The following ITGBL1 variants were observed in gnomAD, a reference collection of about 807,000 sequenced individuals.
The protein encoded by ITGBL1 is integrin beta-like protein 1.
ITGBL1 carries 51 observed loss-of-function variants against 68.5 expected under a neutral mutation model. The ratio of observed to expected loss-of-function variants is 0.74; its 90% CI spans 0.59 to 0.94. The LOEUF (loss-of-function observed/expected upper bound fraction) is 0.94. Among genes scored for constraint, ITGBL1 ranks in the 40% least tolerant of loss-of-function variants. The pLI is 0.00. For missense variants in ITGBL1, 649 were observed against 647.4 expected (o/e 1.00, Z -0.03); for synonymous variants, 209 against 227.3 (o/e 0.92, Z 0.72).
chr13:101,609,954 T>C (rs1411545342), intron 7 of ITGBL1, among the ~76,000 whole-genome samples: 35 of 152,278 alleles, frequency 2.3e-4, no homozygotes, highest in Non-Finnish European at 1.2e-4. Context: ...ATGTTGTAAG[T>C]TGAAAACCAG....
intron 7 of ITGBL1, among the ~76,000 whole-genome samples, chr13:101,658,936 G>T (rs994889265): frequency 1.3e-5 from 2 of 151,576 alleles, no homozygotes. Flanking sequence ...TGACACCATG[G>T]TGTACATTTT....
At chr13:101,699,809 C>T (rs950100208) in intron 8 of ITGBL1, among the ~76,000 whole-genome samples, 1 of 152,226 alleles carries the variant, frequency 6.6e-6, no homozygotes, top group African/African-American at 2.4e-5. Flanking sequence ...AGTGGCAACA[C>T]AGTCGTGTTG....
intron 2 of ITGBL1, among the ~76,000 whole-genome samples, chr13:101,518,475 C>T (rs1222656763): frequency 1.3e-5 from 2 of 152,100 alleles, no homozygotes; most frequent in East Asian, 1.9e-4. Flanking sequence ...ATACCTACTC[C>T]AGAGTATTTA....
At chr13:101,635,683 C>A (rs1282795518) in intron 7 of ITGBL1, among the ~76,000 whole-genome samples, 1 of 151,988 alleles carries the variant, frequency 6.6e-6, no homozygotes, top group Admixed American at 6.6e-5. Flanking sequence ...ATGTGCAGCT[C>A]TTTGTGTATT....
At chr13:101,600,530 A>G (rs1327690185) in intron 7 of ITGBL1, among the ~76,000 whole-genome samples, 2 of 152,216 alleles carry the variant, frequency 1.3e-5, no homozygotes, top group African/African-American at 4.8e-5. Flanking sequence ...TTCAAAGGGA[A>G]TGCTTCCAGT....
intron 7 of ITGBL1, among the ~76,000 whole-genome samples, chr13:101,659,620 C>T (rs533405635): frequency 1.3e-5 from 2 of 152,196 alleles, no homozygotes; most frequent in South Asian, 4.1e-4. Context: ...TGCCACCGCA[C>T]CTGGCTAATT....
intron 7 of ITGBL1, among the ~76,000 whole-genome samples, chr13:101,658,459 G>A (rs1201700046): frequency 6.6e-6 from 1 of 152,110 alleles, no homozygotes; most frequent in Non-Finnish European, 1.5e-5. Flanking sequence ...AAGTGATCGT[G>A]TATTGCTTTA....
At position 101,605,370 on chromosome 13, in the gene ITGBL1, G is replaced by A. The variant is rs111068205; in HGVS notation, c.1015+7071G>A. Among the ~76,000 whole-genome samples the A allele has an allele frequency of 9.3e-3, 1,350 of 145,886 alleles. 70 individuals are homozygous for A. The highest frequency in any genetic ancestry group is 0.033 in the African/African-American group (1,277 of 38,634). On this transcript the variant is annotated intron_variant, in intron 7 of 10. Transcript: ENST00000376180. ...TCTAGACATGTATGTGTGCATATGC[G>A]TATATATACACATATATGGGCATGT...
At chr13:101,517,782 G>T (rs1056206769) in intron 2 of ITGBL1, among the ~76,000 whole-genome samples, 2 of 152,174 alleles carry the variant, frequency 1.3e-5, no homozygotes, top group African/African-American at 2.4e-5. Context: ...GAATGCAAGT[G>T]AATTACAATG....
chr13:101,677,738 TCTTA>T (rs1416417425), intron 7 of ITGBL1, among the ~76,000 whole-genome samples: 1 of 152,188 alleles, frequency 6.6e-6, no homozygotes. Flanking sequence ...TCTCTGTAAC[TCTTA>T]CTTATTAATC....
At chr13:101,531,870 A>T (rs1049072322) in intron 2 of ITGBL1, among the ~76,000 whole-genome samples, 1 of 151,738 alleles carries the variant, frequency 6.6e-6, no homozygotes, top group Admixed American at 6.6e-5. Flanking sequence ...AGTAGCTGGG[A>T]CAACAGGCGC....
intron 2 of ITGBL1, among the ~76,000 whole-genome samples, chr13:101,546,144 G>C (rs2049819830): frequency 6.6e-6 from 1 of 152,100 alleles, no homozygotes; most frequent in South Asian, 2.1e-4. Flanking sequence ...ATGAACGTTA[G>C]AACATGTGAA....
At chr13:101,531,549 A>T (rs1427120060) in intron 2 of ITGBL1, among the ~76,000 whole-genome samples, 2 of 149,806 alleles carry the variant, frequency 1.3e-5, no homozygotes, top group Non-Finnish European at 3.0e-5. Context: ...TTTGCACTCG[A>T]AAACAGGGGT....
At chr13:101,493,730 C>T (rs904008886) in intron 2 of ITGBL1, among the ~76,000 whole-genome samples, 4 of 152,194 alleles carry the variant, frequency 2.6e-5, no homozygotes, top group Non-Finnish European at 4.4e-5. Context: ...ACATCTATCT[C>T]ATTTTCTTTC....
At chr13:101,495,268 C>T (rs1268704309) in intron 2 of ITGBL1, among the ~76,000 whole-genome samples, 2 of 152,076 alleles carry the variant, frequency 1.3e-5, no homozygotes, top group Non-Finnish European at 2.9e-5. Context: ...TTAGAAATGT[C>T]TGATGTGGAA....
chr13:101,690,859 A>G (rs1436263), intron 7 of ITGBL1, among the ~76,000 whole-genome samples: 120,320 of 152,090 alleles, frequency 0.79, 47,789 homozygotes, highest in East Asian at 0.96. Flanking sequence ...TGTTCTGCCA[A>G]TTATGGTTCT....
chr13:101,580,699 G>A (rs1425802174), intron 5 of ITGBL1, among the ~76,000 whole-genome samples: 1 of 152,150 alleles, frequency 6.6e-6, no homozygotes, highest in Non-Finnish European at 1.5e-5. Flanking sequence ...CCATTTTTAA[G>A]TATATGAAGC....
At chr13:101,599,042 A>T (rs901098365) in intron 7 of ITGBL1, among the ~76,000 whole-genome samples, 2 of 152,246 alleles carry the variant, frequency 1.3e-5, no homozygotes, top group Admixed American at 1.3e-4. Context: ...ACTAGTTTAC[A>T]GTCCCACCAA....
chr13:101,595,258 G>A (rs2029892082), intron 6 of ITGBL1, among the ~76,000 whole-genome samples: 1 of 152,038 alleles, frequency 6.6e-6, no homozygotes, highest in South Asian at 2.1e-4. Flanking sequence ...GAGGAAGACA[G>A]AGGGAACAAA....
Sources: gnomAD v4.1 joint callset for allele counts (sites outside exome capture counted in the v4.1 genomes callset) on GRCh38, gnomAD v4.1.1 for gene constraint, MANE v1.5 for transcripts, NCBI Gene and HGNC (gene_info 2026-07-23, HGNC 2026-07-21) for gene names.